The following DDX46 variants were observed in gnomAD, a reference collection of about 807,000 sequenced individuals.
DDX46 encodes probable ATP-dependent RNA helicase DDX46.
DDX46 carries 30 observed loss-of-function variants against 134.9 expected under a neutral mutation model. The ratio of observed to expected loss-of-function variants is 0.22; its 90% CI spans 0.17 to 0.30. DDX46 has a LOEUF of 0.30. Among genes scored for constraint, DDX46 ranks in the 10% least tolerant of loss-of-function variants. DDX46 has a pLI of 1.00. For synonymous variants in DDX46, 415 were observed against 404.1 expected (o/e 1.03, Z -0.32); for missense variants, 622 against 1,248.7 (o/e 0.50, Z 7.56).
At chr5:134,782,867 A>G in intron 8 of DDX46, 78 bp from the exon 9 acceptor site, 1 of 1,542,266 alleles carries the variant, frequency 6.5e-7, no homozygotes, top group Non-Finnish European at 8.8e-7. Flanking sequence ...AAGTTTGTTA[A>G]TCTTATGCCT....
intron 5 of DDX46, among the ~76,000 whole-genome samples, chr5:134,775,700 G>A (rs994387410): frequency 6.6e-6 from 1 of 152,060 alleles, no homozygotes; most frequent in Non-Finnish European, 1.5e-5. Flanking sequence ...CACTATGTTG[G>A]CCAGGCTAGT....
intron 9 of DDX46, among the ~76,000 whole-genome samples, chr5:134,783,941 T>A (rs1203488903): frequency 1.4e-5 from 2 of 147,474 alleles, no homozygotes; most frequent in African/African-American, 2.5e-5. Context: ...CATCTCAGCC[T>A]CCCAGAATGC....
At chr5:134,823,624 A>T (rs1051394763) in intron 21 of DDX46, among the ~76,000 whole-genome samples, 2 of 152,328 alleles carry the variant, frequency 1.3e-5, no homozygotes, top group East Asian at 3.9e-4. Flanking sequence ...TAAAAATGGC[A>T]TGCTTTTGTG....
chr5:134,788,632 T>A, intron 12 of DDX46, 41 bp downstream of exon 12: 4 of 1,559,848 alleles, frequency 2.6e-6, no homozygotes, highest in Non-Finnish European at 2.6e-6. Context: ...TATTTTTGAA[T>A]TCTTTACTTT....
chr5:134,770,816 CA>C (rs34760153), intron 3 of DDX46, 86 bp from the exon 4 acceptor site: 124,834 of 890,934 alleles, frequency 0.14, 9 homozygotes, highest in East Asian at 0.22. Context: ...GACACTGTCT[CA>C]AAAAAAAAAA....
At chr5:134,796,229 ACTTTGTT>A (rs1260487603) in intron 15 of DDX46, 79 bp downstream of exon 15, 1 of 1,478,812 alleles carries the variant, frequency 6.8e-7, no homozygotes, top group African/African-American at 1.4e-5. Flanking sequence ...GATGATACTT[ACTTTGTT>A]CTCTATAATT....
At chr5:134,767,190 G>C (rs758996499) in intron 3 of DDX46, 130 bp downstream of exon 3, 2 of 1,126,608 alleles carry the variant, frequency 1.8e-6, no homozygotes, top group Middle Eastern at 3.1e-4. Flanking sequence ...ACCATGAACT[G>C]TTGGCAGTGT....
chr5:134,781,051 G>A (rs1373168819), intron 6 of DDX46, 82 bp from the exon 7 acceptor site: 13 of 945,922 alleles, frequency 1.4e-5, no homozygotes, highest in Non-Finnish European at 2.0e-5. Context: ...AGATGAAATT[G>A]TGTCAGTTAC....
intron 22 of DDX46, among the ~76,000 whole-genome samples, chr5:134,828,181 G>A (rs554381927): frequency 5.3e-5 from 8 of 151,004 alleles, no homozygotes; most frequent in African/African-American, 1.5e-4. Context: ...GAAAGGAAAC[G>A]TTGTCTTTTA....
chr5:134,817,077 C>T (rs1755305439), intron 19 of DDX46: 1 of 181,856 alleles, frequency 5.5e-6, no homozygotes, highest in African/African-American at 2.4e-5. Context: ...CAGTCATTAA[C>T]TATAACGTTT....
intron 2 of DDX46, among the ~76,000 whole-genome samples, chr5:134,764,502 C>A (rs886501493): frequency 1.3e-5 from 2 of 152,080 alleles, no homozygotes; most frequent in Non-Finnish European, 2.9e-5. Context: ...AGGCTGCTCT[C>A]GATCTCCTGG....
In DDX46 at chr5:134,827,217, T is replaced by C. The variant is rs1755613732; in HGVS notation, c.3051+197T>C. Among the ~76,000 whole-genome samples the C allele has an allele frequency of 2.0e-5, 3 of 152,254 alleles. No homozygotes were observed. In the South Asian group the frequency reaches 6.2e-4, roughly 32 times the overall value. ...ATCCCAGAAGTCTTCTCTGTGTCTA[T>C]TCTTGTCACTATTCATCTCCCCCCA... On this transcript the variant is annotated intron_variant, in intron 22 of 22. Coordinates refer to ENST00000452510, the MANE Select transcript of DDX46 (RefSeq NM_001300860.2).
intron 20 of DDX46, 119 bp from the exon 21 acceptor site, chr5:134,818,741 A>T: frequency 1.6e-6 from 1 of 632,768 alleles, no homozygotes; most frequent in Non-Finnish European, 2.5e-6. Flanking sequence ...ATATGGAGAG[A>T]GAGAGAGAGA....
At chr5:134,808,711 T>G (rs1180667670) in intron 16 of DDX46, among the ~76,000 whole-genome samples, 1 of 152,204 alleles carries the variant, frequency 6.6e-6, no homozygotes, top group African/African-American at 2.4e-5. Flanking sequence ...TTACTTGCTT[T>G]TTTGACTCAC....
intron 7 of DDX46, 76 bp from the exon 8 acceptor site, chr5:134,781,845 A>C: frequency 7.2e-7 from 1 of 1,385,304 alleles, no homozygotes; most frequent in Non-Finnish European, 9.9e-7. Flanking sequence ...AAGATTTGAA[A>C]AGCTAGGAGT....
intron 15 of DDX46, among the ~76,000 whole-genome samples, chr5:134,804,246 G>A (rs1754917945): frequency 6.6e-6 from 1 of 152,090 alleles, no homozygotes; most frequent in African/African-American, 2.4e-5. Flanking sequence ...GAGGCTATAT[G>A]TATTTTCATA....
chr5:134,788,918 T>A (rs1047516998), intron 12 of DDX46, among the ~76,000 whole-genome samples: 4 of 152,076 alleles, frequency 2.6e-5, no homozygotes, highest in Non-Finnish European at 5.9e-5. Context: ...CAATTTAAAA[T>A]TTTTTTTCAG....
chr5:134,818,735 GGAGAGAGAGA>G (rs143733920), intron 20 of DDX46, 115 bp from the exon 21 acceptor site: 1 of 514,672 alleles, frequency 1.9e-6, no homozygotes, highest in Non-Finnish European at 3.1e-6. Context: ...ATATATATAT[GGAGAGAGAGA>G]GAGAGAGAGA....
At chr5:134,787,396 G>A (rs1466710308) in intron 11 of DDX46, among the ~76,000 whole-genome samples, 2 of 152,194 alleles carry the variant, frequency 1.3e-5, no homozygotes, top group Non-Finnish European at 2.9e-5. Flanking sequence ...ATAAGCTAAT[G>A]TATATTGTGT....
Sources: gnomAD v4.1 joint callset for allele counts (sites outside exome capture counted in the v4.1 genomes callset) on GRCh38, gnomAD v4.1.1 for gene constraint, MANE v1.5 for transcripts, NCBI Gene and HGNC (gene_info 2026-07-23, HGNC 2026-07-21) for gene names.